Variants in MYL12B observed in about 807,000 individuals in gnomAD.
MYL12B encodes the protein myosin regulatory light chain 12B.
MYL12B carries 3 observed loss-of-function variants against 12.9 expected under a neutral mutation model. The ratio of observed to expected loss-of-function variants is 0.23; its 90% CI spans 0.11 to 0.60. The LOEUF (loss-of-function observed/expected upper bound fraction) is 0.60, where lower values mean the gene tolerates loss of function less well. Among genes scored for constraint, MYL12B ranks in the 20% least tolerant of loss-of-function variants. The pLI is 0.89. For synonymous variants in MYL12B, 57 were observed against 71.9 expected, an observed-to-expected ratio of 0.79 and a Z score of 1.05; for missense variants, 120 against 215.4, an observed-to-expected ratio of 0.56 and a Z score of 2.77.
At chr18:3,264,147 G>A (rs1017257042) in intron 1 of MYL12B, among the ~76,000 whole-genome samples, 1 of 152,150 alleles carries the variant, frequency 6.6e-6, no homozygotes, top group African/African-American at 2.4e-5. Context: ...GGAAGAGACT[G>A]GAACCATAGG....
At chr18:3,264,267 C>T (rs1292419101) in intron 1 of MYL12B, among the ~76,000 whole-genome samples, 1 of 152,088 alleles carries the variant, frequency 6.6e-6, no homozygotes, top group East Asian at 1.9e-4. Flanking sequence ...TATGTATATA[C>T]ACTATATACA....
chr18:3,276,659 C>A, intron 2 of MYL12B: 3 of 669,500 alleles, frequency 4.5e-6, no homozygotes, highest in Non-Finnish European at 5.5e-6. Flanking sequence ...GGCATCTGTA[C>A]CACAACTGGA....
intron 1 of MYL12B, chr18:3,272,172 GA>G (rs2081684349): frequency 1.2e-6 from 1 of 840,686 alleles, no homozygotes; most frequent in Non-Finnish European, 1.3e-6. Flanking sequence ...GACCTTTTTT[GA>G]ACATGACTAG....
At chr18:3,264,561 A>G (rs1339000932) in intron 1 of MYL12B, among the ~76,000 whole-genome samples, 2 of 152,104 alleles carry the variant, frequency 1.3e-5, no homozygotes, top group East Asian at 1.9e-4. Context: ...ACTCCTTGCA[A>G]AGTAGCTGTG....
chr18:3,271,748 G>A (rs2081680840), intron 1 of MYL12B, among the ~76,000 whole-genome samples: 2 of 152,064 alleles, frequency 1.3e-5, no homozygotes, highest in South Asian at 4.1e-4. Context: ...TAACTCCAGA[G>A]CTGATGGTAT....
chr18:3,262,701 C>T (rs1332497995), intron 1 of MYL12B: 2 of 152,324 alleles, frequency 1.3e-5, no homozygotes, highest in Non-Finnish European at 2.9e-5. Flanking sequence ...GTGCCCAACA[C>T]TATCCTAGAT....
chr18:3,268,435 A>G (rs2144356265), intron 1 of MYL12B, among the ~76,000 whole-genome samples: 1 of 152,350 alleles, frequency 6.6e-6, no homozygotes. Flanking sequence ...ACATTAATAA[A>G]TTGGACAGTC....
At chr18:3,262,850 C>T (rs2081604674) in intron 1 of MYL12B, 1 of 152,230 alleles carries the variant, frequency 6.6e-6, no homozygotes, top group Non-Finnish European at 1.5e-5. Flanking sequence ...TTGTAATTCG[C>T]TCAGTGTGTC....
At position 3,277,753 on chromosome 18, in the gene MYL12B, A is replaced by G. The variant is rs573056349; in HGVS notation, c.347-12A>G. 3.6e-5 allele frequency: 58 copies of G among 1,600,974 alleles called. No individual in the cohort carries two copies. The highest frequency in any genetic ancestry group is 2.2e-4 in the African/African-American group (16 of 74,046). ...TATTGATGACTGCTTTCTTCTTTCTATTGTCTTCCAGGCACCATTCAGGAA... is the reference window on the plus strand; with the variant it reads ...TATTGATGACTGCTTTCTTCTTTCTGTTGTCTTCCAGGCACCATTCAGGAA... On this transcript the variant is annotated splice_polypyrimidine_tract_variant and intron_variant, in intron 3 of 3. Transcript: ENST00000237500.
At chr18:3,277,484 TTTTC>T (rs2081743020) in intron 3 of MYL12B, 70 bp downstream of exon 3, 2 of 1,543,330 alleles carry the variant, frequency 1.3e-6, no homozygotes, top group Non-Finnish European at 8.7e-7. Context: ...ATAGAAGGGG[TTTTC>T]TTTTTTTACC....
At chr18:3,267,558 G>T (rs2081643477) in intron 1 of MYL12B, among the ~76,000 whole-genome samples, 1 of 152,224 alleles carries the variant, frequency 6.6e-6, no homozygotes, top group Middle Eastern at 3.4e-3. Context: ...TCTTTCCACG[G>T]TCCATGGTTT....
rs1487706235 is a variant in MYL12B at position 3,272,914 on chromosome 18, G to A, written c.16G>A (p.Ala6Thr). The A allele has an allele frequency of 1.3e-6, 2 of 1,596,090 alleles. No individual in the cohort carries two copies. Among genetic ancestry groups the A allele is most frequent in the East Asian group, 2.2e-5 (1 of 44,720 alleles). ...AACAACCACCATGTCGAGCAAAAAG[G>A]CAAAGACCAAGACCACCAAGAAGCG... MSSKKAKTKTTKKRPQ... is the reference protein window; with the variant it reads MSSKKTKTKTTKKRPQ... Residue 6 changes from alanine to threonine, a missense_variant, in exon 2 of 4, where the codon GCA (alanine) becomes ACA (threonine). Ala to Thr is a moderately conservative substitution (Grantham distance 58, BLOSUM62 0). Transcript: ENST00000237500.
chr18:3,276,328 G>A, intron 2 of MYL12B: 1 of 579,948 alleles, frequency 1.7e-6, no homozygotes, highest in Non-Finnish European at 2.2e-6. Context: ...CCTTGGTTCA[G>A]TGCTGCTTTT....
intron 2 of MYL12B, among the ~76,000 whole-genome samples, chr18:3,275,146 G>A (rs2081718445): frequency 1.3e-5 from 2 of 151,868 alleles, no homozygotes; most frequent in Admixed American, 6.5e-5. Context: ...CATAAAAAAT[G>A]AGATCCTGTC....
At chr18:3,268,343 G>C (rs575289127) in intron 1 of MYL12B, among the ~76,000 whole-genome samples, 1 of 152,186 alleles carries the variant, frequency 6.6e-6, no homozygotes, top group African/African-American at 2.4e-5. Context: ...GCTGTGTTCT[G>C]TATGGCTATT....
intron 1 of MYL12B, among the ~76,000 whole-genome samples, chr18:3,267,139 C>T (rs1280096391): frequency 2.6e-5 from 4 of 152,186 alleles, no homozygotes; most frequent in Non-Finnish European, 4.4e-5. Flanking sequence ...TGCCTGGGCT[C>T]CACCCCCAGA....
intron 1 of MYL12B, among the ~76,000 whole-genome samples, chr18:3,263,938 C>T (rs1372270892): frequency 1.3e-5 from 2 of 152,168 alleles, no homozygotes. Context: ...TCTCTTTACC[C>T]TGATTTTCGT....
rs771417538 is a variant in MYL12B, at chr18:3,272,939, G to T, written c.41G>T (p.Arg14Leu). Residue 14 changes from arginine (R) to leucine (L), a missense_variant, in exon 2 of 4, where the codon CGC becomes CTC. Coordinates refer to ENST00000237500, the MANE Select transcript of MYL12B (RefSeq NM_033546.4). ...GCAAAGACCAAGACCACCAAGAAGCGCCCTCAGCGTGCAACATCCAATGTG... is the reference window on the plus strand; with the variant it reads ...GCAAAGACCAAGACCACCAAGAAGCTCCCTCAGCGTGCAACATCCAATGTG... ...KKAKTKTTKKRPQRATSNVFA... is the reference protein window; with the variant it reads ...KKAKTKTTKKLPQRATSNVFA... 6.2e-7 allele frequency: 1 copy of T among 1,609,402 alleles called. No homozygotes were observed. Among genetic ancestry groups the T allele is most frequent in the East Asian group, 2.2e-5 (1 of 44,740 alleles).
At chr18:3,267,345 T>C (rs1334404047) in intron 1 of MYL12B, among the ~76,000 whole-genome samples, 1 of 152,224 alleles carries the variant, frequency 6.6e-6, no homozygotes, top group African/African-American at 2.4e-5. Flanking sequence ...CAGAATGTGC[T>C]CTGTGAGCAT....
Sources: allele counts gnomAD v4.1 joint callset (sites outside exome capture counted in the v4.1 genomes callset), GRCh38; gene constraint gnomAD v4.1.1; transcripts MANE v1.5; gene names NCBI Gene and HGNC (gene_info 2026-07-23, HGNC 2026-07-21).